The following RYR1 variants were observed in gnomAD, a reference collection of about 807,000 sequenced individuals.
RYR1 encodes the protein central core disease of muscle.
RYR1 carries 342 observed loss-of-function variants against 583.5 expected under a neutral mutation model. The ratio of observed to expected loss-of-function variants is 0.59; its 90% CI spans 0.54 to 0.64. RYR1 has a LOEUF of 0.64. RYR1 is among the 30% of genes least tolerant of loss of function. The probability of loss-of-function intolerance (pLI) is 0.00; values close to 1 mark genes in which losing one functional copy is unlikely to be tolerated. For synonymous variants in RYR1, 2,791 were observed against 2,822.5 expected (o/e 0.99, Z 0.35); for missense variants, 6,032 against 6,917.2 (o/e 0.87, Z 4.54).
At chr19:38,546,175 C>G (rs1167079338) in intron 87 of RYR1, among the ~76,000 whole-genome samples, 1 of 152,006 alleles carries the variant, frequency 6.6e-6, no homozygotes, top group Admixed American at 6.6e-5. Context: ...AAATGTCTGC[C>G]CCGCAAGCCT....
rs552149726 is a variant in RYR1 at position 38,470,424 on chromosome 19, G to A, written c.3765+911G>A. ...GCACTCCAGCCTGAGTGACAGAGAG[G>A]ACCCTGTCTCATTGAAAAAAAAAAA... On this transcript the variant is annotated intron_variant, in intron 27 of 105. Coordinates refer to ENST00000359596, the MANE Select transcript of RYR1 (RefSeq NM_000540.3). Among the ~76,000 whole-genome samples the A allele has an allele frequency of 2.4e-3, 345 of 141,090 alleles. 2 individuals carry two copies. The highest frequency in any genetic ancestry group is 3.9e-3 in the Non-Finnish European group (254 of 65,430). 92.6% of individuals were successfully genotyped at this position (141,090 alleles called of 152,430 possible). A position where few individuals can be genotyped will look rare whatever the true frequency, so the allele number is the denominator to read the frequency against.
In RYR1 at chr19:38,458,066, C is replaced by A; in HGVS notation, c.1941C>A (p.Ile647=). ...INYVTSIRPN[I]FVGRAEGTTQ... ...TCTCCTGCAGCATCCGCCCCAACAT[C>A]TTTGTGGGCCGAGCGGAAGGCACCA... is the stretch of plus-strand genomic sequence containing the variant. Residue 647 remains isoleucine, a synonymous_variant, in exon 18 of 106, where the codon ATC becomes ATA. Transcript: ENST00000359596. The A allele has an allele frequency of 6.2e-7, 1 of 1,613,750 alleles. No individual in the cohort carries two copies. The highest frequency in any genetic ancestry group is 1.1e-5 in the South Asian group (1 of 91,070).
intron 1 of RYR1, among the ~76,000 whole-genome samples, chr19:38,434,835 TC>T (rs1277315015): frequency 1.3e-5 from 2 of 151,278 alleles, no homozygotes; most frequent in Admixed American, 6.6e-5. Flanking sequence ...GCCCCGCCCC[TC>T]CCCCCGGGGC....
intron 38 of RYR1, 47 bp from the exon 39 acceptor site, chr19:38,494,305 G>C: frequency 6.2e-7 from 1 of 1,609,974 alleles, no homozygotes; most frequent in Non-Finnish European, 8.5e-7. Context: ...CCCATGTGCC[G>C]ACCTGCCCTG....
At chr19:38,570,049 A>C (rs1973642326) in intron 93 of RYR1, among the ~76,000 whole-genome samples, 1 of 152,184 alleles carries the variant, frequency 6.6e-6, no homozygotes. Flanking sequence ...CTGTAATCCC[A>C]GCTACTTAGG....
intron 105 of RYR1, among the ~76,000 whole-genome samples, chr19:38,586,990 T>TG: frequency 6.6e-6 from 1 of 151,996 alleles, no homozygotes. Context: ...GGGTTTGGGC[T>TG]GGGCGTCCTG....
At position 38,519,304 on chromosome 19, in the gene RYR1, G is replaced by A. The variant is rs1317623682; in HGVS notation, c.10109G>A (p.Gly3370Glu). ...PTIGRLRKRAGKVVSEEEQLR... is the reference protein window; with the variant it reads ...PTIGRLRKRAEKVVSEEEQLR... The stretch of plus-strand genomic sequence containing the variant: ...ATCGGGCGGCTGCGCAAGAGGGCAG[G>A]GAAGGTGGTGTCCGAGGAGGAGCAG... Residue 3370 changes from glycine (G) to glutamate (E), a missense_variant, in exon 67 of 106, where the codon GGG (glycine) becomes GAG (glutamate). Transcript: ENST00000359596. The A allele has an allele frequency of 1.2e-6, 2 of 1,613,976 alleles. No individual in the cohort carries two copies. Among genetic ancestry groups the A allele is most frequent in the Non-Finnish European group, 1.7e-6 (2 of 1,179,986 alleles).
rs759752740 is a variant in RYR1, at chr19:38,573,150, C to T, written c.13999-27C>T. On this transcript the variant is annotated intron_variant, in intron 95 of 105. Transcript: ENST00000359596. ...TGGTCCAGCCAAGGTGCCTGACGCCCACCTTTGGCCTCCTCCCACTATCCA... is the reference window on the plus strand; with the variant it reads ...TGGTCCAGCCAAGGTGCCTGACGCCTACCTTTGGCCTCCTCCCACTATCCA... 1.9e-6 allele frequency: 3 copies of T among 1,613,188 alleles called. No individual in the cohort carries two copies. The South Asian group carries it at 3.3e-5, about 18-fold the overall frequency.
rs1196784937 is a variant in RYR1, at chr19:38,444,126, C to G, written c.425-23C>G. ...TGGGAAGCCATCATCTGACAGCCAC[C>G]CCCATTCCATCCCCACCCATAGGAG... is the stretch of plus-strand genomic sequence containing the variant. On this transcript the variant is annotated intron_variant, in intron 5 of 105. Transcript: ENST00000359596. The surrounding 1 kb of genome is among the most constrained non-coding windows in gnomAD (Gnocchi z 5.1). 1.9e-6 allele frequency: 3 copies of G among 1,592,668 alleles called. No homozygotes were observed. Among genetic ancestry groups the G allele is most frequent in the Non-Finnish European group, 2.6e-6 (3 of 1,160,540 alleles).
At chr19:38,448,256 A>G (rs913884208) in intron 9 of RYR1, 99 bp from the exon 10 acceptor site, 5 of 1,351,946 alleles carry the variant, frequency 3.7e-6, no homozygotes, top group Admixed American at 1.9e-5. Context: ...ACATAGCAAG[A>G]CCTGGTTTCT....
In RYR1 at chr19:38,467,820, C is replaced by A. The variant is rs953368493; in HGVS notation, c.3381+8C>A. The stretch of plus-strand genomic sequence containing the variant: ...GTCTTCAATGGGCACCGCGTGGGTA[C>A]CTCCCTGGGCACCATTCTGCCAGGT... On this transcript the variant is annotated splice_region_variant and intron_variant, in intron 25 of 105. Coordinates refer to ENST00000359596, the MANE Select transcript of RYR1 (RefSeq NM_000540.3). 6 of 1,613,252 alleles carry A rather than the reference C, an allele frequency of 3.7e-6. No homozygotes were observed. The highest frequency in any genetic ancestry group is 4.2e-6 in the Non-Finnish European group (5 of 1,179,882).
chr19:38,437,568 G>A (rs1163623476), intron 1 of RYR1, among the ~76,000 whole-genome samples: 5 of 152,124 alleles, frequency 3.3e-5, no homozygotes, highest in Admixed American at 6.6e-5. Flanking sequence ...TAATCCCTTC[G>A]CTTTGGGAGG....
intron 16 of RYR1, among the ~76,000 whole-genome samples, chr19:38,456,571 C>T (rs1465207448): frequency 6.6e-6 from 1 of 151,634 alleles, no homozygotes; most frequent in Non-Finnish European, 1.5e-5. Flanking sequence ...TGTGAGCCAC[C>T]GTGCCCCACC....
intron 93 of RYR1, among the ~76,000 whole-genome samples, chr19:38,568,363 A>G (rs1973543053): frequency 6.6e-6 from 1 of 152,094 alleles, no homozygotes; most frequent in East Asian, 1.9e-4. Flanking sequence ...CATCCAGGCC[A>G]GGAAGAAGGG....
chr19:38,477,349 G>T (rs1600742366), intron 29 of RYR1, among the ~76,000 whole-genome samples: 1 of 151,964 alleles, frequency 6.6e-6, no homozygotes, highest in Non-Finnish European at 1.5e-5. Context: ...CACCATATTG[G>T]TCAGGCTGGT....
At chr19:38,489,097 G>A (rs565422633) in intron 34 of RYR1, 80 bp from the exon 35 acceptor site, 82 of 1,208,854 alleles carry the variant, frequency 6.8e-5, no homozygotes, top group Non-Finnish European at 8.9e-5. Flanking sequence ...TGCATGAGGG[G>A]CAGGTCTGGA....
intron 37 of RYR1, among the ~76,000 whole-genome samples, chr19:38,491,667 C>T (rs1022506011): frequency 6.6e-6 from 1 of 152,024 alleles, no homozygotes; most frequent in Admixed American, 6.6e-5. Context: ...TGGGCTCAAG[C>T]AATTTGCATG....
intron 27 of RYR1, among the ~76,000 whole-genome samples, chr19:38,472,952 G>A (rs1298915939): frequency 6.6e-6 from 1 of 151,018 alleles, no homozygotes; most frequent in Non-Finnish European, 1.5e-5. Flanking sequence ...GTAGGCAGAG[G>A]TTGCGGTGAG....
Position 38,489,407 on chromosome 19 carries a change from G to C in RYR1, c.5778G>C (p.Leu1926=), listed in dbSNP as rs754492782. The change falls in exon 35 of 106, where the codon CTG becomes CTC. Residue 1926 remains leucine (L), a synonymous_variant. Coordinates refer to ENST00000359596, the MANE Select transcript of RYR1 (RefSeq NM_000540.3). ...AAGAAGAAGGCTTGGAGGAAGGGCT[G>C]CTCCAGATGAAGTTGCCAGAGTCTG... is the stretch of plus-strand genomic sequence containing the variant. ...GEKEEGLEEG[L]LQMKLPESVK... is the part of the protein sequence containing the mutation. The C allele has an allele frequency of 6.1e-5, 99 of 1,613,938 alleles. No homozygotes were observed. Among genetic ancestry groups the C allele is most frequent in the Middle Eastern group, 1.6e-4 (1 of 6,082 alleles).
Sources: gnomAD v4.1 joint callset for allele counts (sites outside exome capture counted in the v4.1 genomes callset) on GRCh38, gnomAD v4.1.1 for gene constraint, Gnocchi (gnomAD v3.1) non-coding constraint, MANE v1.5 for transcripts, NCBI Gene and HGNC (gene_info 2026-07-23, HGNC 2026-07-21) for gene names.